RBFOX3: variants seen among roughly 807,000 people sequenced by gnomAD.
The protein encoded by RBFOX3 is RNA binding fox-1 homolog 3.
In RBFOX3, 17 loss-of-function variants were observed where a neutral mutation model predicts 48.7. The observed-to-expected ratio is 0.35, with a 90% CI of 0.24 to 0.52. The LOEUF (loss-of-function observed/expected upper bound fraction) is 0.52. Ranked by LOEUF, RBFOX3 falls within the 20% of genes least tolerant of loss-of-function variation. The pLI is 0.94. For missense variants in RBFOX3, 382 were observed against 497.5 expected (o/e 0.77, Z 2.21); for synonymous variants, 212 against 209.5 (o/e 1.01, Z -0.10).
intron 4 of RBFOX3, among the ~76,000 whole-genome samples, chr17:79,168,652 G>A (rs2048515138): frequency 6.6e-6 from 1 of 152,244 alleles, no homozygotes. Context: ...ATCCGCTGAT[G>A]AATGCACTGA....
intron 4 of RBFOX3, among the ~76,000 whole-genome samples, chr17:79,126,748 CA>C (rs966764241): frequency 6.6e-6 from 1 of 152,230 alleles, no homozygotes; most frequent in African/African-American, 2.4e-5. Flanking sequence ...GCCCGCCAGA[CA>C]AAGTCTCCTC....
At chr17:79,603,565 T>A (rs1426213113) in intron 1 of RBFOX3, among the ~76,000 whole-genome samples, 1 of 152,216 alleles carries the variant, frequency 6.6e-6, no homozygotes, top group Non-Finnish European at 1.5e-5. Context: ...AACCTCTCTA[T>A]AGAGACATGC....
intron 2 of RBFOX3, among the ~76,000 whole-genome samples, chr17:79,422,610 G>T (rs191936431): frequency 6.6e-6 from 1 of 152,208 alleles, no homozygotes; most frequent in South Asian, 2.1e-4. Flanking sequence ...CAGGCTGGGC[G>T]GGGCCAGGCT....
intron 2 of RBFOX3, among the ~76,000 whole-genome samples, chr17:79,475,404 G>C (rs1233989706): frequency 1.3e-5 from 2 of 152,286 alleles, no homozygotes; most frequent in Admixed American, 6.5e-5. Flanking sequence ...CGAGGGTCAG[G>C]GGACACCTCA....
At chr17:79,617,816 C>A in the RBFOX3 span, among the ~76,000 whole-genome samples, 1 of 152,240 alleles carries the variant, frequency 6.6e-6, no homozygotes, top group Non-Finnish European at 1.5e-5. Flanking sequence ...CACTGAGGCC[C>A]AGAATGTCCC....
chr17:79,460,560 A>G (rs1555748146), intron 2 of RBFOX3, among the ~76,000 whole-genome samples: 1 of 152,190 alleles, frequency 6.6e-6, no homozygotes, highest in Non-Finnish European at 1.5e-5. Flanking sequence ...AAGCCATGCT[A>G]TGATGGTTTA....
At chr17:79,420,170 CACACAAAA>C (rs2066061255) in intron 2 of RBFOX3, among the ~76,000 whole-genome samples, 1 of 82,748 alleles carries the variant, frequency 1.2e-5, no homozygotes, top group Non-Finnish European at 2.7e-5. Context: ...CACACACACA[CACACAAAA>C]GATGGTTAAC....
upstream of RBFOX3, among the ~76,000 whole-genome samples, chr17:79,614,480 C>T (rs954720752): frequency 6.6e-6 from 1 of 151,722 alleles, no homozygotes; most frequent in East Asian, 1.9e-4. Context: ...GCTTTGCAGC[C>T]CCCCTAAGGT....
intron 2 of RBFOX3, among the ~76,000 whole-genome samples, chr17:79,359,988 A>C (rs538876080): frequency 4.9e-4 from 75 of 152,048 alleles, no homozygotes; most frequent in African/African-American, 1.8e-3. Context: ...GGCCTCTCAA[A>C]GTGCTGGAAT....
intron 2 of RBFOX3, among the ~76,000 whole-genome samples, chr17:79,399,614 G>A (rs927443413): frequency 7.4e-5 from 11 of 148,786 alleles, no homozygotes; most frequent in Non-Finnish European, 1.4e-4. Flanking sequence ...CAGTCACAAA[G>A]GAGAAAGCAA....
chr17:79,126,071 G>A (rs1310041296), intron 4 of RBFOX3, among the ~76,000 whole-genome samples: 2 of 152,234 alleles, frequency 1.3e-5, no homozygotes, highest in Admixed American at 6.5e-5. Context: ...AGGGGACACC[G>A]AGGCCAGCAG....
chr17:79,355,108 C>T (rs563568942), intron 2 of RBFOX3, among the ~76,000 whole-genome samples: 202 of 152,344 alleles, frequency 1.3e-3, no homozygotes, highest in African/African-American at 4.8e-3. Flanking sequence ...TCACCTACTT[C>T]CAAGAGGTTT....
intron 4 of RBFOX3, among the ~76,000 whole-genome samples, chr17:79,166,017 G>A (rs534809037): frequency 6.6e-6 from 1 of 152,354 alleles, no homozygotes; most frequent in African/African-American, 2.4e-5. Context: ...GGTTTACACA[G>A]AGGGAAACTG....
chr17:79,450,575 G>A (rs910448645), intron 2 of RBFOX3, among the ~76,000 whole-genome samples: 1 of 152,018 alleles, frequency 6.6e-6, no homozygotes. Context: ...GCTTATCAGG[G>A]TATTAAATAT....
At chr17:79,367,462 TC>T (rs1324862654) in intron 2 of RBFOX3, among the ~76,000 whole-genome samples, 1 of 151,668 alleles carries the variant, frequency 6.6e-6, no homozygotes, top group African/African-American at 2.4e-5. Context: ...TTGGCCAGAT[TC>T]ATGCATGTAT....
rs372406429 is a variant in RBFOX3 at position 79,141,121 on chromosome 17, C to T, written c.-33-25373G>A. On this transcript the variant is annotated intron_variant, in intron 4 of 14. Coordinates refer to ENST00000693108, the MANE Select transcript of RBFOX3 (RefSeq NM_001350451.2). ...GTAAACGGGGATGCACCGTGGCTCA[C>T]GCGGCTGTCGATACAGGCAGAACGG... Among the ~76,000 whole-genome samples, 6 of 152,216 alleles carry T rather than the reference C, an allele frequency of 3.9e-5. No individual in the cohort carries two copies. The East Asian group carries it at 5.8e-4, about 15-fold the overall frequency.
chr17:79,459,536 C>T (rs1054199273), intron 2 of RBFOX3, among the ~76,000 whole-genome samples: 14 of 152,284 alleles, frequency 9.2e-5, no homozygotes, highest in Non-Finnish European at 1.8e-4. Context: ...CTCCAGGCTG[C>T]AGGACACCAG....
chr17:79,582,977 G>A lies in RBFOX3; in HGVS notation c.-320+27849C>T, dbSNP rs1024764072. Among the ~76,000 whole-genome samples, 413 of 152,174 alleles carry A rather than the reference G, an allele frequency of 2.7e-3. 1 individual carries two copies. The highest frequency in any genetic ancestry group is 9.1e-3 in the African/African-American group (377 of 41,516). On this transcript the variant is annotated intron_variant, in intron 1 of 14. Transcript: ENST00000693108. ...CAATGGGCCTCTGGTGCCCACTTCC[G>A]CCAGGGCTTCCCACAGATGTGCCAC...
chr17:79,277,846 C>A (rs1046742346), intron 3 of RBFOX3, among the ~76,000 whole-genome samples: 4 of 152,228 alleles, frequency 2.6e-5, no homozygotes, highest in African/African-American at 9.6e-5. Flanking sequence ...ATCCCCTTAG[C>A]CCCCTGCAGT....
Sources: gnomAD v4.1 joint callset for allele counts (sites outside exome capture counted in the v4.1 genomes callset) on GRCh38, gnomAD v4.1.1 for gene constraint, MANE v1.5 for transcripts, NCBI Gene and HGNC (gene_info 2026-07-23, HGNC 2026-07-21) for gene names.